Variants in PDK1 observed in about 807,000 individuals in gnomAD.
PDK1 encodes the protein pyruvate dehydrogenase kinase 1.
A neutral mutation model predicts 54.2 loss-of-function variants in PDK1; 39 were observed. That is an observed-to-expected ratio of 0.72 (90% confidence interval 0.56 to 0.94). The LOEUF is 0.94. PDK1 is among the 40% of genes least tolerant of loss of function. The pLI is 0.00. For synonymous variants in PDK1, 221 were observed against 207.1 expected (o/e 1.07, Z -0.58); for missense variants, 552 against 566.0 (o/e 0.98, Z 0.25).
the PDK1 span, among the ~76,000 whole-genome samples, chr2:172,619,591 CTAAA>C: frequency 8.6e-5 from 13 of 151,704 alleles, no homozygotes; most frequent in African/African-American, 2.9e-4. Context: ...AATGCATTGA[CTAAA>C]TGAATAAAAG....
chr2:172,572,348 G>C (rs559221229), intron 8 of PDK1, among the ~76,000 whole-genome samples: 25 of 152,200 alleles, frequency 1.6e-4, no homozygotes, highest in African/African-American at 5.8e-4. Context: ...TTTTAAAAAA[G>C]GTACAATTCA....
the PDK1 span, among the ~76,000 whole-genome samples, chr2:172,682,245 C>G: frequency 6.6e-6 from 1 of 152,154 alleles, no homozygotes; most frequent in Non-Finnish European, 1.5e-5. Flanking sequence ...GGCTGTGTGG[C>G]TGTAGTAGAG....
chr2:172,704,876 A>C, the PDK1 span, among the ~76,000 whole-genome samples: 1 of 152,200 alleles, frequency 6.6e-6, no homozygotes, highest in Non-Finnish European at 1.5e-5. Context: ...CTTGAGGTAA[A>C]AAGTTATGGA....
the PDK1 span, among the ~76,000 whole-genome samples, chr2:172,630,729 A>G: frequency 6.6e-6 from 1 of 152,010 alleles, no homozygotes; most frequent in South Asian, 2.1e-4. Context: ...TCCCAGGTTC[A>G]AGCAATTCTT....
At chr2:172,586,999 A>G (rs1690265617) in intron 9 of PDK1, among the ~76,000 whole-genome samples, 1 of 152,184 alleles carries the variant, frequency 6.6e-6, no homozygotes, top group African/African-American at 2.4e-5. Flanking sequence ...GTAATTCTAG[A>G]AGAACTCTAT....
chr2:172,714,964 TC>T, the PDK1 span, among the ~76,000 whole-genome samples: 1 of 152,214 alleles, frequency 6.6e-6, no homozygotes, highest in South Asian at 2.1e-4. Flanking sequence ...ATATAGATTT[TC>T]TATATCTAAT....
chr2:172,633,363 T>C, the PDK1 span, among the ~76,000 whole-genome samples: 5 of 145,842 alleles, frequency 3.4e-5, no homozygotes, highest in African/African-American at 1.2e-4. Context: ...TGATGTTTTG[T>C]ATTTGTTGAT....
At chr2:172,618,754 A>G in the PDK1 span, among the ~76,000 whole-genome samples, 2 of 152,174 alleles carry the variant, frequency 1.3e-5, no homozygotes, top group African/African-American at 4.8e-5. Flanking sequence ...TGGGGCAGGT[A>G]GGACTGACCA....
chr2:172,663,918 A>G, the PDK1 span, among the ~76,000 whole-genome samples: 49 of 151,276 alleles, frequency 3.2e-4, no homozygotes, highest in Middle Eastern at 3.5e-3. Flanking sequence ...TTCCAACTTC[A>G]GCCTCCTAAA....
intron 10 of PDK1, among the ~76,000 whole-genome samples, chr2:172,593,436 A>G (rs1282556542): frequency 1.3e-5 from 2 of 152,082 alleles, no homozygotes; most frequent in Admixed American, 6.5e-5. Context: ...CTTTTTTGCA[A>G]AAGCTGTACT....
At chr2:172,702,297 T>C in the PDK1 span, among the ~76,000 whole-genome samples, 1 of 152,100 alleles carries the variant, frequency 6.6e-6, no homozygotes, top group East Asian at 1.9e-4. Context: ...GCCAAGATGG[T>C]GAAACCCTGT....
chr2:172,577,095 C>T (rs943034191), intron 8 of PDK1, among the ~76,000 whole-genome samples: 3 of 152,098 alleles, frequency 2.0e-5, no homozygotes, highest in African/African-American at 7.2e-5. Context: ...CCTTCAGTTC[C>T]ATCAGTTTTG....
the PDK1 span, among the ~76,000 whole-genome samples, chr2:172,665,395 G>C: frequency 6.6e-6 from 1 of 152,098 alleles, no homozygotes; most frequent in Non-Finnish European, 1.5e-5. Context: ...TAAGGGCTAG[G>C]GTGTGGTGAG....
the PDK1 span, among the ~76,000 whole-genome samples, chr2:172,659,277 A>G: frequency 2.0e-5 from 3 of 152,292 alleles, no homozygotes; most frequent in East Asian, 5.8e-4. Flanking sequence ...CATCCAAACT[A>G]TAGCACAAAT....
At chr2:172,714,485 A>G in the PDK1 span, among the ~76,000 whole-genome samples, 2 of 152,104 alleles carry the variant, frequency 1.3e-5, no homozygotes, top group Non-Finnish European at 2.9e-5. Context: ...TATCAAAAAT[A>G]TGCCTATGTT....
chr2:172,556,218 G>C lies in PDK1; in HGVS notation c.68G>C (p.Gly23Ala). The change falls in exon 1 of 11, where the codon GGC becomes GCC. Residue 23 changes from glycine (G) to alanine (A), a missense_variant. Physicochemically the swap from Gly to Ala is moderately conservative, Grantham distance 60. Coordinates refer to ENST00000282077, the MANE Select transcript of PDK1 (RefSeq NM_002610.5). ...CCGGGCCCGGGGCTGCGCGCCGCCG[G>C]CTTCAGCCGCAGCTTCAGCTCGGAC... ...AGPGPGLRAA[G>A]FSRSFSSDSG... 1.4e-6 allele frequency: 2 copies of C among 1,427,120 alleles called. No individual in the cohort carries two copies. Among genetic ancestry groups the C allele is most frequent in the Non-Finnish European group, 1.8e-6 (2 of 1,097,918 alleles). The allele number at this position is 1,427,120 out of a possible 1,614,324, so 88.4% of individuals were successfully genotyped here.
At chr2:172,658,020 C>T in the PDK1 span, among the ~76,000 whole-genome samples, 3 of 152,092 alleles carry the variant, frequency 2.0e-5, no homozygotes, top group African/African-American at 7.2e-5. Context: ...GGGGAAAGTG[C>T]CTGGCTCCTT....
chr2:172,564,991 T>C lies in PDK1; in HGVS notation c.609T>C (p.Gly203=). 1 of 1,611,798 alleles carries C rather than the reference T, an allele frequency of 6.2e-7. No homozygotes were observed. Among genetic ancestry groups the C allele is most frequent in the South Asian group, 1.1e-5 (1 of 91,038 alleles). ...MLLNQHSLLF[G]GKGKGSPSHR... is the part of the protein sequence containing the mutation. ...CTTTTTGGATAGCTTTATTGTTTGG[T>C]GGAAAAGGCAAAGGAAGTCCATCTC... The change falls in exon 5 of 11, where the codon GGT becomes GGC. Residue 203 remains glycine, a synonymous_variant. Transcript: ENST00000282077.
chr2:172,591,354 C>A (rs745927737), intron 9 of PDK1, among the ~76,000 whole-genome samples: 16 of 152,182 alleles, frequency 1.1e-4, no homozygotes, highest in Non-Finnish European at 1.5e-4. Flanking sequence ...CTCATACTAT[C>A]CCTGACTGGT....
Sources: gnomAD v4.1 joint callset for allele counts (sites outside exome capture counted in the v4.1 genomes callset) on GRCh38, gnomAD v4.1.1 for gene constraint, MANE v1.5 for transcripts, NCBI Gene and HGNC (gene_info 2026-07-23, HGNC 2026-07-21) for gene names.